HLCS: variants seen among roughly 807,000 people sequenced by gnomAD.
HLCS encodes holocarboxylase synthetase, also known as biotin--protein ligase.
A neutral mutation model predicts 75.0 loss-of-function variants in HLCS; 53 were observed. The observed-to-expected ratio is 0.71, with a 90% confidence interval of 0.57 to 0.89. The LOEUF (loss-of-function observed/expected upper bound fraction) is 0.89, where lower values mean the gene tolerates loss of function less well. HLCS is among the 40% of genes least tolerant of loss of function. HLCS has a pLI of 0.00. For missense variants in HLCS, 966 were observed against 1,074.0 expected, an observed-to-expected ratio of 0.90 and a Z score of 1.41; for synonymous variants, 431 against 428.6, an observed-to-expected ratio of 1.01 and a Z score of -0.07.
intron 2 of HLCS, among the ~76,000 whole-genome samples, chr21:36,945,754 T>C (rs985899846): frequency 1.3e-5 from 2 of 152,254 alleles, no homozygotes; most frequent in African/African-American, 4.8e-5. Context: ...TGCACAACTT[T>C]GTGAATATAC....
rs534526122 is a variant in HLCS at position 36,982,976 on chromosome 21, G to C, written c.-393+7182C>G. Among the ~76,000 whole-genome samples the C allele has an allele frequency of 5.3e-5, 8 of 152,228 alleles. No individual in the cohort carries two copies. The South Asian group carries it at 1.7e-3, about 32-fold the overall frequency. On this transcript the variant is annotated intron_variant, in intron 1 of 11. Transcript: ENST00000336648. ...CCAGAAGGCGGAGGCGGAGGTTGCA[G>C]TGAGCCGAGATTGTGCCAATGCACT... is the stretch of plus-strand genomic sequence containing the variant.
At chr21:36,800,522 A>G (rs545082488) in intron 6 of HLCS, among the ~76,000 whole-genome samples, 3 of 152,112 alleles carry the variant, frequency 2.0e-5, no homozygotes, top group Non-Finnish European at 4.4e-5. Flanking sequence ...TATTCATCCT[A>G]TGGAGCAGCA....
intron 6 of HLCS, among the ~76,000 whole-genome samples, chr21:36,777,246 C>A (rs2060387158): frequency 6.6e-6 from 1 of 152,076 alleles, no homozygotes; most frequent in African/African-American, 2.4e-5. Flanking sequence ...CTTATTCATC[C>A]CTCATCCCTT....
At chr21:36,851,100 T>A (rs373796811) in intron 6 of HLCS, among the ~76,000 whole-genome samples, 3 of 152,292 alleles carry the variant, frequency 2.0e-5, no homozygotes, top group African/African-American at 7.2e-5. Context: ...AAAAAGGTTA[T>A]GAGAGAGAAA....
chr21:36,838,298 T>TCACTCACACACA (rs1555907758), intron 6 of HLCS, among the ~76,000 whole-genome samples: 4 of 127,352 alleles, frequency 3.1e-5, no homozygotes, highest in African/African-American at 1.5e-4. Flanking sequence ...GGGTGAATGA[T>TCACTCACACACA]CACACACACA....
chr21:36,762,753 G>T (rs1037761206), intron 8 of HLCS, among the ~76,000 whole-genome samples: 1 of 152,168 alleles, frequency 6.6e-6, no homozygotes, highest in African/African-American at 2.4e-5. Flanking sequence ...AGGAGAACGG[G>T]AACACAAATT....
At chr21:36,865,419 A>G (rs2063521907) in intron 6 of HLCS, among the ~76,000 whole-genome samples, 1 of 152,174 alleles carries the variant, frequency 6.6e-6, no homozygotes, top group South Asian at 2.1e-4. Flanking sequence ...GAAAAATGTT[A>G]GAAAATGGCA....
intron 5 of HLCS, among the ~76,000 whole-genome samples, chr21:36,909,112 G>T (rs960788619): frequency 4.6e-5 from 7 of 152,084 alleles, no homozygotes; most frequent in Admixed American, 6.5e-5. Flanking sequence ...CAGCAGAATG[G>T]CATGAACCTC....
chr21:36,896,781 C>T, intron 6 of HLCS, 79 bp downstream of exon 6: 3 of 1,499,182 alleles, frequency 2.0e-6, no homozygotes, highest in Non-Finnish European at 2.8e-6. Flanking sequence ...AACTCTATCC[C>T]CTCCCCGTCT....
intron 6 of HLCS, among the ~76,000 whole-genome samples, chr21:36,771,855 C>T (rs909072283): frequency 3.3e-5 from 5 of 151,912 alleles, no homozygotes; most frequent in South Asian, 2.1e-4. Context: ...AAAAATTAGC[C>T]GGGTGTGGTG....
intron 6 of HLCS, among the ~76,000 whole-genome samples, chr21:36,837,140 G>A (rs1170045193): frequency 6.6e-6 from 1 of 152,164 alleles, no homozygotes; most frequent in Non-Finnish European, 1.5e-5. Flanking sequence ...CCAAGATTGT[G>A]CCACTGCACT....
At chr21:36,908,257 G>A (rs900415565) in intron 5 of HLCS, among the ~76,000 whole-genome samples, 7 of 151,832 alleles carry the variant, frequency 4.6e-5, no homozygotes, top group Admixed American at 1.3e-4. Flanking sequence ...AAGAGTGGTC[G>A]TACACACCTA....
rs983799159 is a variant in HLCS at position 36,939,104 on chromosome 21, C to A, written c.331-110G>T. 4.2e-6 allele frequency: 4 copies of A among 957,116 alleles called. No homozygotes were observed. The East Asian group carries it at 8.0e-5, about 19-fold the overall frequency. 59.3% of individuals were successfully genotyped at this position (957,116 alleles called of 1,614,324 possible). A position where few individuals can be genotyped will look rare whatever the true frequency, so the allele number is the denominator to read the frequency against. Reference sequence around the variant, plus strand: ...CCTTGAGGCTCCTACCACTAAATTACAGTCATTAATAACAAATTACTGGAT... The same window carrying A: ...CCTTGAGGCTCCTACCACTAAATTAAAGTCATTAATAACAAATTACTGGAT... On this transcript the variant is annotated intron_variant, in intron 2 of 10. Transcript: ENST00000674895.
chr21:36,754,413 G>A lies in HLCS; in HGVS notation c.2455C>T (p.Gln819Ter). 1 of 1,612,086 alleles carries A rather than the reference G, an allele frequency of 6.2e-7. No homozygotes were observed. The highest frequency in any genetic ancestry group is 1.1e-5 in the South Asian group (1 of 90,958). Reference protein sequence around the residue: ...LYYRYWVHSGQQVHLGSAEGP... With the variant: ...LYYRYWVHSG ...TCTGCGCTGCCCAGATGGACTTGCT[G>A]ACCACTGAAAAGGAAGAACAGCGTG... Residue 819 changes from glutamine (Q) to a stop codon, truncating the protein, a stop_gained, in exon 11 of 11, where the codon CAG becomes TAG. Coordinates refer to ENST00000674895, the MANE Select transcript of HLCS (RefSeq NM_001352514.2). LOFTEE classifies it high-confidence loss of function.
intron 6 of HLCS, among the ~76,000 whole-genome samples, chr21:36,874,562 TAAG>T (rs2063895287): frequency 6.6e-6 from 1 of 152,240 alleles, no homozygotes; most frequent in Non-Finnish European, 1.5e-5. Context: ...GTCTTAAAGT[TAAG>T]TAGTATGACT....
intron 10 of HLCS, among the ~76,000 whole-genome samples, chr21:36,755,096 A>G (rs2089509628): frequency 6.6e-6 from 1 of 152,060 alleles, no homozygotes; most frequent in African/African-American, 2.4e-5. Flanking sequence ...TTTTCCTGCA[A>G]CATATAAAGA....
intron 6 of HLCS, among the ~76,000 whole-genome samples, chr21:36,888,445 A>AAAT (rs2064596202): frequency 2.1e-4 from 5 of 24,106 alleles, no homozygotes; most frequent in South Asian, 5.3e-3. Context: ...AAAAAAAAAA[A>AAAT]ATATATATAT....
chr21:36,773,810 T>C (rs2060278209), intron 6 of HLCS, among the ~76,000 whole-genome samples: 1 of 152,210 alleles, frequency 6.6e-6, no homozygotes, highest in Non-Finnish European at 1.5e-5. Context: ...CCACTGTTCA[T>C]AACCCTGCTG....
At chr21:36,830,343 G>C (rs7276082) in intron 6 of HLCS, among the ~76,000 whole-genome samples, 45,322 of 152,102 alleles carry the variant, frequency 0.3, 7,072 homozygotes, top group African/African-American at 0.35. Context: ...AGTAACATCA[G>C]CCTTTTCCCA....
Sources: gnomAD v4.1 joint callset for allele counts (sites outside exome capture counted in the v4.1 genomes callset) on GRCh38, gnomAD v4.1.1 for gene constraint, MANE v1.5 for transcripts, NCBI Gene and HGNC (gene_info 2026-07-23, HGNC 2026-07-21) for gene names.